Variants in ESR1 observed in about 807,000 individuals in gnomAD.
ESR1 encodes the protein estrogen receptor 1.
ESR1 carries 12 observed loss-of-function variants against 52.7 expected under a neutral mutation model. The observed-to-expected ratio is 0.23, with a 90% CI of 0.15 to 0.37. ESR1 has a LOEUF of 0.37. Among genes scored for constraint, ESR1 ranks in the 10% least tolerant of loss-of-function variants. ESR1 has a pLI of 1.00. For missense variants in ESR1, 584 were observed against 779.7 expected, an observed-to-expected ratio of 0.75 and a Z score of 2.99; for synonymous variants, 305 against 316.8, an observed-to-expected ratio of 0.96 and a Z score of 0.39.
chr6:151,821,537 C>A (rs1425640668), intron 1 of ESR1, among the ~76,000 whole-genome samples: 1 of 151,870 alleles, frequency 6.6e-6, no homozygotes, highest in Non-Finnish European at 1.5e-5. Flanking sequence ...TTTCTGTTTC[C>A]AGGGCTTAAA....
intron 2 of ESR1, among the ~76,000 whole-genome samples, chr6:151,752,103 G>A (rs560296930): frequency 1.3e-5 from 2 of 152,138 alleles, no homozygotes; most frequent in South Asian, 2.1e-4. Context: ...CATGCCCTGC[G>A]TGCTGGCGAG....
intron 2 of ESR1, among the ~76,000 whole-genome samples, chr6:151,864,875 G>A (rs769813752): frequency 2.7e-5 from 4 of 146,812 alleles, no homozygotes; most frequent in Non-Finnish European, 5.9e-5. Flanking sequence ...ACTCATAGGT[G>A]GGAATTGAAC....
At chr6:151,959,172 C>T (rs1353575065) in intron 4 of ESR1, among the ~76,000 whole-genome samples, 1 of 152,160 alleles carries the variant, frequency 6.6e-6, no homozygotes, top group African/African-American at 2.4e-5. Flanking sequence ...CTGGCCATCT[C>T]AAGACTAAGT....
intron 6 of ESR1, among the ~76,000 whole-genome samples, chr6:152,114,080 GA>G (rs1374916282): frequency 6.6e-6 from 1 of 152,164 alleles, no homozygotes; most frequent in Non-Finnish European, 1.5e-5. Flanking sequence ...TGGGAGGGAG[GA>G]ACTGAGCCCC....
At chr6:152,003,348 G>T (rs1421386359) in intron 4 of ESR1, among the ~76,000 whole-genome samples, 1 of 151,092 alleles carries the variant, frequency 6.6e-6, no homozygotes, top group Admixed American at 6.6e-5. Context: ...TTATGTGTGT[G>T]TGTGTGTGTG....
intron 1 of ESR1, among the ~76,000 whole-genome samples, chr6:151,815,191 A>G (rs2038784531): frequency 6.6e-6 from 1 of 152,168 alleles, no homozygotes; most frequent in South Asian, 2.1e-4. Context: ...GACCTTACAC[A>G]GAGTTGTATT....
chr6:152,093,173 A>G (rs866269618), intron 6 of ESR1, among the ~76,000 whole-genome samples: 1 of 151,636 alleles, frequency 6.6e-6, no homozygotes, highest in Non-Finnish European at 1.5e-5. Context: ...GCTACTTGGG[A>G]GGCTGAGGCA....
upstream of ESR1, among the ~76,000 whole-genome samples, chr6:151,686,431 A>T (rs7739392): frequency 2.2e-3 from 330 of 152,284 alleles, 1 homozygote; most frequent in African/African-American, 7.4e-3. Flanking sequence ...CACGCCTGTA[A>T]TCCCAGCATT....
Position 151,974,772 on chromosome 6 carries a change from A to T in ESR1, c.1096+30264A>T, listed in dbSNP as rs187663467. Among the ~76,000 whole-genome samples, 351 of 152,332 alleles carry T rather than the reference A, an allele frequency of 2.3e-3. 5 individuals are homozygous for T. The highest frequency in any genetic ancestry group is 2.8e-3 in the Non-Finnish European group (189 of 68,026). On this transcript the variant is annotated intron_variant, in intron 4 of 7. Coordinates refer to ENST00000206249, the MANE Select transcript of ESR1 (RefSeq NM_000125.4). ...TGAAATAAAACATTTTAAGACAAGC[A>T]ATGAAATTCTTGAAACTATAACAGG... is the stretch of plus-strand genomic sequence containing the variant.
chr6:152,011,510 T>A (rs980985359), intron 4 of ESR1, 146 bp from the exon 5 acceptor site: 12 of 915,406 alleles, frequency 1.3e-5, no homozygotes, highest in Middle Eastern at 3.2e-4. Flanking sequence ...AATAATTACT[T>A]GACTTCACTA....
At chr6:151,692,439 C>T (rs1045460118) in intron 1 of ESR1, among the ~76,000 whole-genome samples, 1 of 152,062 alleles carries the variant, frequency 6.6e-6, no homozygotes, top group Non-Finnish European at 1.5e-5. Flanking sequence ...CAGCTGTGCT[C>T]CAGGACTGCA....
At chr6:151,794,266 T>G (rs566902074) in intron 2 of ESR1, among the ~76,000 whole-genome samples, 1 of 152,342 alleles carries the variant, frequency 6.6e-6, no homozygotes, top group African/African-American at 2.4e-5. Context: ...CCAAATGGGT[T>G]TCCATAATCT....
intron 2 of ESR1, among the ~76,000 whole-genome samples, chr6:151,721,621 G>T (rs934893323): frequency 6.6e-6 from 1 of 152,164 alleles, no homozygotes; most frequent in Non-Finnish European, 1.5e-5. Flanking sequence ...AGATGCTAAC[G>T]ATTTTCATTC....
chr6:152,116,194 T>C (rs1009242548), intron 6 of ESR1, among the ~76,000 whole-genome samples: 3 of 152,212 alleles, frequency 2.0e-5, no homozygotes, highest in African/African-American at 7.2e-5. Flanking sequence ...AGAATGTACA[T>C]ACCTTTTGAT....
At chr6:151,899,488 A>C (rs1359033783) in intron 3 of ESR1, among the ~76,000 whole-genome samples, 2 of 112,446 alleles carry the variant, frequency 1.8e-5, no homozygotes, top group Non-Finnish European at 1.8e-5. Context: ...TGACCCCCCC[A>C]CCTCCCTCCC....
chr6:151,890,485 G>C (rs773834983), intron 3 of ESR1, among the ~76,000 whole-genome samples: 11 of 152,180 alleles, frequency 7.2e-5, no homozygotes, highest in Non-Finnish European at 1.6e-4. Flanking sequence ...TATTCTGTAT[G>C]TATCTGTTAA....
intron 5 of ESR1, among the ~76,000 whole-genome samples, chr6:152,040,146 G>A (rs754503358): frequency 3.9e-5 from 6 of 152,134 alleles, no homozygotes; most frequent in Non-Finnish European, 8.8e-5. Flanking sequence ...GTGCCATATC[G>A]CGGCCTCAGT....
intron 2 of ESR1, among the ~76,000 whole-genome samples, chr6:151,851,936 T>C (rs1288003029): frequency 6.6e-6 from 1 of 152,166 alleles, no homozygotes; most frequent in Non-Finnish European, 1.5e-5. Context: ...TCAACTAGCT[T>C]AGATGTACTA....
intron 1 of ESR1, among the ~76,000 whole-genome samples, chr6:151,819,464 A>T (rs1780206844): frequency 6.6e-6 from 1 of 152,142 alleles, no homozygotes; most frequent in Non-Finnish European, 1.5e-5. Context: ...CGCTTGCATT[A>T]TGCCTGAGCT....
Sources: allele counts gnomAD v4.1 joint callset (sites outside exome capture counted in the v4.1 genomes callset), GRCh38; gene constraint gnomAD v4.1.1; transcripts MANE v1.5; gene names NCBI Gene and HGNC (gene_info 2026-07-23, HGNC 2026-07-21).